Variants in LIMCH1 observed in about 807,000 individuals in gnomAD.
LIMCH1 encodes LIM and calponin homology domains-containing protein 1.
In LIMCH1, 113 loss-of-function variants were observed where a neutral mutation model predicts 176.5. The ratio of observed to expected loss-of-function variants is 0.64; its 90% CI spans 0.55 to 0.75. The LOEUF (loss-of-function observed/expected upper bound fraction) is 0.75. LIMCH1 is among the 30% of genes least tolerant of loss of function. The probability of loss-of-function intolerance (pLI) is 0.00; values close to 1 mark genes in which losing one functional copy is unlikely to be tolerated. For missense variants in LIMCH1, 1,674 were observed against 1,814.9 expected (o/e 0.92, Z 1.41); for synonymous variants, 619 against 645.9 (o/e 0.96, Z 0.63).
At chr4:41,547,715 CATATATACATATATA>C (rs2079695072) in intron 1 of LIMCH1, among the ~76,000 whole-genome samples, 1 of 141,136 alleles carries the variant, frequency 7.1e-6, no homozygotes, top group Non-Finnish European at 1.5e-5. Flanking sequence ...ATAGTATACA[CATATATACATATATA>C]ATATATACAT....
At chr4:41,619,789 A>G in intron 6 of LIMCH1, 1 of 286,412 alleles carries the variant, frequency 3.5e-6, no homozygotes, top group Non-Finnish European at 6.6e-6. Flanking sequence ...AGGCGTAGAA[A>G]GATTCCTATC....
intron 1 of LIMCH1, among the ~76,000 whole-genome samples, chr4:41,481,540 G>T (rs2068622740): frequency 6.6e-6 from 1 of 152,198 alleles, no homozygotes; most frequent in South Asian, 2.1e-4. Flanking sequence ...GATGCTGTGT[G>T]GGAGGTGGCC....
At chr4:41,499,516 A>AT (rs1450957452) in intron 2 of LIMCH1, among the ~76,000 whole-genome samples, 3 of 152,190 alleles carry the variant, frequency 2.0e-5, no homozygotes, top group Admixed American at 6.5e-5. Context: ...CTTTATACTG[A>AT]TTTTTTAAAA....
At chr4:41,497,186 T>A (rs1295846035) in intron 2 of LIMCH1, among the ~76,000 whole-genome samples, 1 of 152,234 alleles carries the variant, frequency 6.6e-6, no homozygotes. Context: ...CATTGTTGAA[T>A]TCTTTCTTTT....
At chr4:41,544,379 G>A (rs886801655) in intron 1 of LIMCH1, among the ~76,000 whole-genome samples, 2 of 152,162 alleles carry the variant, frequency 1.3e-5, no homozygotes, top group African/African-American at 4.8e-5. Context: ...AGGCTTTTGT[G>A]TTCTTAACCC....
At position 41,625,623 on chromosome 4, in the gene LIMCH1, C is replaced by CT. The variant is rs201260243; in HGVS notation, c.726-1079dup. ...ATGATACGGAAACTTTCTTCACGCT[C>CT]TTTTTTATATATTTTTTTAAGTCTG... On this transcript the variant is annotated intron_variant, in intron 7 of 31. Coordinates refer to ENST00000503057, the MANE Select transcript of LIMCH1 (RefSeq NM_001330672.2). Among the ~76,000 whole-genome samples, 393 of 152,148 alleles carry CT rather than the reference C, an allele frequency of 2.6e-3. 3 individuals are homozygous for CT. The highest frequency in any genetic ancestry group is 9.0e-3 in the African/African-American group (375 of 41,492).
chr4:41,690,468 AT>A (rs572119184), intron 30 of LIMCH1, among the ~76,000 whole-genome samples: 7 of 152,152 alleles, frequency 4.6e-5, no homozygotes, highest in Non-Finnish European at 8.8e-5. Context: ...CATATCCTGT[AT>A]TTTCCACTCA....
intron 1 of LIMCH1, among the ~76,000 whole-genome samples, chr4:41,460,478 A>ATATATATATATATATATATATATATATC (rs1410622782): frequency 9.7e-5 from 14 of 145,072 alleles, no homozygotes; most frequent in African/African-American, 3.3e-4. Context: ...ATATATATAT[A>ATATATATATATATATATATATATATATC]TCTTATAATA....
chr4:41,462,874 G>T (rs546399887), intron 1 of LIMCH1, among the ~76,000 whole-genome samples: 1 of 151,970 alleles, frequency 6.6e-6, no homozygotes, highest in Middle Eastern at 3.4e-3. Context: ...ATTTAAAATA[G>T]ACCTTTTATT....
intron 1 of LIMCH1, among the ~76,000 whole-genome samples, chr4:41,446,159 G>C (rs557276845): frequency 8.5e-5 from 13 of 152,212 alleles, no homozygotes; most frequent in African/African-American, 2.9e-4. Flanking sequence ...GGTTCAATTG[G>C]AACATCGTGG....
chr4:41,418,684 C>A (rs576081508), intron 1 of LIMCH1: 1 of 152,200 alleles, frequency 6.6e-6, no homozygotes, highest in Non-Finnish European at 1.5e-5. Flanking sequence ...CTGGCCCAGA[C>A]GTTTGCAGAA....
At chr4:41,463,576 T>C (rs1295568588) in intron 1 of LIMCH1, among the ~76,000 whole-genome samples, 3 of 151,856 alleles carry the variant, frequency 2.0e-5, no homozygotes, top group Admixed American at 2.0e-4. Context: ...TTTTTTTTTT[T>C]TTAACTTTTA....
At chr4:41,603,606 C>T (rs911701593) in intron 2 of LIMCH1, among the ~76,000 whole-genome samples, 2 of 152,140 alleles carry the variant, frequency 1.3e-5, no homozygotes, top group Admixed American at 6.5e-5. Context: ...CAGTTCTGAT[C>T]GGACTTTTTC....
At chr4:41,535,162 CAAAAAAAAAAAAA>C (rs61639965), upstream of LIMCH1, among the ~76,000 whole-genome samples, 1 of 83,984 alleles carries the variant, frequency 1.2e-5, no homozygotes, top group African/African-American at 4.0e-5. Flanking sequence ...GACCCTGTCA[CAAAAAAAAAAAAA>C]AAAAAAAAAG....
intron 7 of LIMCH1, among the ~76,000 whole-genome samples, chr4:41,625,493 G>A (rs967822507): frequency 6.6e-6 from 1 of 152,116 alleles, no homozygotes; most frequent in Admixed American, 6.5e-5. Flanking sequence ...TTTGCTCGCC[G>A]TGAATCTGCC....
chr4:41,517,849 CAT>C (rs1381017943), intron 2 of LIMCH1, among the ~76,000 whole-genome samples: 5 of 151,690 alleles, frequency 3.3e-5, no homozygotes, highest in Non-Finnish European at 7.4e-5. Context: ...ATCCAGGGTA[CAT>C]AGTCAAACCC....
At chr4:41,467,744 AC>A in intron 1 of LIMCH1, among the ~76,000 whole-genome samples, 1 of 152,324 alleles carries the variant, frequency 6.6e-6, no homozygotes, top group East Asian at 1.9e-4. Flanking sequence ...TTATTTTCAC[AC>A]AAAAGATGAT....
chr4:41,623,197 A>G (rs1245355581), intron 7 of LIMCH1, among the ~76,000 whole-genome samples: 1 of 152,244 alleles, frequency 6.6e-6, no homozygotes, highest in Non-Finnish European at 1.5e-5. Flanking sequence ...TGTCTGGAAA[A>G]TAGGAATTTA....
chr4:41,395,454 G>A (rs1019890833), intron 1 of LIMCH1, among the ~76,000 whole-genome samples: 5 of 141,486 alleles, frequency 3.5e-5, no homozygotes, highest in Non-Finnish European at 7.6e-5. Flanking sequence ...TGTTGACCAA[G>A]CTGGTCTCGA....
Sources: allele counts gnomAD v4.1 joint callset (sites outside exome capture counted in the v4.1 genomes callset), GRCh38; gene constraint gnomAD v4.1.1; transcripts MANE v1.5; gene names NCBI Gene and HGNC (gene_info 2026-07-23, HGNC 2026-07-21).